The following LACTB variants were observed in gnomAD, a reference collection of about 807,000 sequenced individuals.
LACTB encodes the protein serine beta-lactamase-like protein LACTB, mitochondrial.
Under a neutral mutation model 50.2 loss-of-function variants are expected in LACTB, and 35 were observed. The observed-to-expected ratio is 0.70, with a 90% CI of 0.53 to 0.92. The LOEUF is 0.92. Ranked by LOEUF, LACTB falls within the 40% of genes least tolerant of loss-of-function variation. The pLI is 0.00. For missense variants in LACTB, 664 were observed against 691.8 expected (o/e 0.96, Z 0.45); for synonymous variants, 252 against 268.2 (o/e 0.94, Z 0.59).
At chr15:63,140,826 C>T (rs574906693) in intron 5 of LACTB, among the ~76,000 whole-genome samples, 10 of 152,224 alleles carry the variant, frequency 6.6e-5, no homozygotes, top group African/African-American at 2.4e-4. Context: ...TACAAATAAC[C>T]TTATTCCTAA....
chr15:63,122,265 G>T, intron 1 of LACTB, 37 bp downstream of exon 1: 1 of 1,485,894 alleles, frequency 6.7e-7, no homozygotes, highest in South Asian at 1.3e-5. Context: ...GGGGGCCGGG[G>T]ATCCACCCCT....
chr15:63,137,312 A>C (rs1479855930), intron 5 of LACTB, among the ~76,000 whole-genome samples: 1 of 152,212 alleles, frequency 6.6e-6, no homozygotes, highest in African/African-American at 2.4e-5. Context: ...TGATAGGGGA[A>C]TCCTCAGTCA....
At chr15:63,134,716 A>G (rs1218030823) in intron 5 of LACTB, among the ~76,000 whole-genome samples, 1 of 152,152 alleles carries the variant, frequency 6.6e-6, no homozygotes, top group Non-Finnish European at 1.5e-5. Flanking sequence ...TTACTAATGA[A>G]GAAGAGTCAA....
Position 63,141,701 on chromosome 15 carries a change from C to A in LACTB, c.1540C>A (p.Pro514Thr), listed in dbSNP as rs775607481. Residue 514 changes from proline (P) to threonine (T), a missense_variant, in exon 6 of 6, where the codon CCA (proline) becomes ACA (threonine). By Grantham distance (38) the Pro-to-Thr change is conservative. Coordinates refer to ENST00000261893, the MANE Select transcript of LACTB (RefSeq NM_032857.5). Reference sequence around the variant, plus strand: ...AGAGACTATAAATAACAAGGTTCCCCCAAGAGGAATCATTGTTTCTATCAT... The same window carrying A: ...AGAGACTATAAATAACAAGGTTCCCACAAGAGGAATCATTGTTTCTATCAT... ...DTETINNKVP[P>T]RGIIVSIICN... The A allele has an allele frequency of 3.7e-6, 6 of 1,614,112 alleles. No homozygotes were observed. The highest frequency in any genetic ancestry group is 5.1e-6 in the Non-Finnish European group (6 of 1,180,022).
intron 5 of LACTB, 101 bp downstream of exon 5, chr15:63,129,751 G>T: frequency 1.5e-6 from 2 of 1,330,334 alleles, no homozygotes; most frequent in Middle Eastern, 2.0e-4. Flanking sequence ...AAATCAACCT[G>T]CCACATTTTG....
chr15:63,133,047 G>C (rs973980798), intron 5 of LACTB, among the ~76,000 whole-genome samples: 28 of 152,006 alleles, frequency 1.8e-4, no homozygotes, highest in Admixed American at 5.9e-4. Flanking sequence ...AATTTGAATT[G>C]GGTGTTCAAA....
chr15:63,128,217 AT>A (rs1234344140), intron 4 of LACTB, among the ~76,000 whole-genome samples: 2 of 152,136 alleles, frequency 1.3e-5, no homozygotes, highest in Admixed American at 6.6e-5. Context: ...TTCATTTTTC[AT>A]TTTAAAAGCT....
intron 2 of LACTB, among the ~76,000 whole-genome samples, chr15:63,125,632 G>T (rs920106860): frequency 2.0e-5 from 3 of 151,900 alleles, no homozygotes; most frequent in Non-Finnish European, 2.9e-5. Flanking sequence ...CAAATTTATA[G>T]TCATTGTATT....
chr15:63,141,115 A>G (rs1055492050), intron 5 of LACTB, 165 bp from the exon 6 acceptor site: 11 of 983,416 alleles, frequency 1.1e-5, no homozygotes, highest in Non-Finnish European at 1.3e-5. Context: ...TCTGTGTGTC[A>G]TTAGGACCTG....
Position 63,122,576 on chromosome 15 carries a change from G to A in LACTB, c.358-60G>A, listed in dbSNP as rs1422174358. On this transcript the variant is annotated intron_variant, in intron 1 of 5. Coordinates refer to ENST00000261893, the MANE Select transcript of LACTB (RefSeq NM_032857.5). Reference sequence around the variant, plus strand: ...GGCGGGGCCTTGGAAGGTCCCCGAGGAGAGCGCTGGGCTTTTTCAGCAGGC... The same window carrying A: ...GGCGGGGCCTTGGAAGGTCCCCGAGAAGAGCGCTGGGCTTTTTCAGCAGGC... 3.0e-6 allele frequency: 4 copies of A among 1,353,322 alleles called. No individual in the cohort carries two copies. The Admixed American group carries it at 6.7e-5, about 23-fold the overall frequency. The allele number at this position is 1,353,322 out of a possible 1,614,324, so 83.8% of individuals were successfully genotyped here. A position where few individuals can be genotyped will look rare whatever the true frequency, so the allele number is the denominator to read the frequency against.
In LACTB at chr15:63,122,013, C is replaced by T. The variant is rs943276119; in HGVS notation, c.142C>T (p.Leu48=). 8 of 1,395,356 alleles carry T rather than the reference C, an allele frequency of 5.7e-6. No individual in the cohort carries two copies. The African/African-American group carries it at 1.1e-4, about 18-fold the overall frequency. The allele number at this position is 1,395,356 out of a possible 1,614,324, so 86.4% of individuals were successfully genotyped here. A position where few individuals can be genotyped will look rare whatever the true frequency, so the allele number is the denominator to read the frequency against. The stretch of plus-strand genomic sequence containing the variant: ...CTGGGTCGGGGGCCTCGGGCTGGGG[C>T]TGGGGCTGGCGCTCGGGGTGAAGCT... ...HGWVGGLGLG[L]GLALGVKLAG... Residue 48 remains leucine, a synonymous_variant, in exon 1 of 6, where the codon CTG becomes TTG. Coordinates refer to ENST00000261893, the MANE Select transcript of LACTB (RefSeq NM_032857.5).
rs756244410 is a variant in LACTB, at chr15:63,129,605, C to T, written c.1073C>T (p.Thr358Met). Residue 358 changes from threonine (T) to methionine (M), a missense_variant, in exon 5 of 6, where the codon ACG becomes ATG. By Grantham distance (81) the Thr-to-Met change is moderately conservative. Transcript: ENST00000261893. ...QKIFHDLDML[T>M]TVQEENEPVI... ...ATATTCCATGACTTGGATATGCTGACGACTGTGCAGGAAGAAAACGAGCCA... is the reference window on the plus strand; with the variant it reads ...ATATTCCATGACTTGGATATGCTGATGACTGTGCAGGAAGAAAACGAGCCA... The T allele has an allele frequency of 1.7e-5, 28 of 1,611,782 alleles. No individual in the cohort carries two copies. Among genetic ancestry groups the T allele is most frequent in the East Asian group, 8.9e-5 (4 of 44,774 alleles).
Position 63,121,867 on chromosome 15 carries a change from A to T in LACTB, c.-5A>T. 1.5e-6 allele frequency: 2 copies of T among 1,355,122 alleles called. No homozygotes were observed. The highest frequency in any genetic ancestry group is 1.9e-6 in the Non-Finnish European group (2 of 1,058,456). 83.9% of individuals were successfully genotyped at this position (1,355,122 alleles called of 1,614,324 possible). A position where few individuals can be genotyped will look rare whatever the true frequency, so the allele number is the denominator to read the frequency against. On this transcript the variant is annotated 5_prime_UTR_variant, in exon 1 of 6. Coordinates refer to ENST00000261893, the MANE Select transcript of LACTB (RefSeq NM_032857.5). ...TTTGGTGGCGGCCGGCTGTGCAGAG[A>T]CGCCATGTACCGGCTCATGTCAGCA...
At chr15:63,125,470 A>G (rs1273326512) in intron 2 of LACTB, among the ~76,000 whole-genome samples, 1 of 152,008 alleles carries the variant, frequency 6.6e-6, no homozygotes, top group African/African-American at 2.4e-5. Context: ...GCCCAGCTTA[A>G]AATTTTTTAA....
At chr15:63,128,377 G>A (rs1025036589) in intron 4 of LACTB, among the ~76,000 whole-genome samples, 1 of 152,116 alleles carries the variant, frequency 6.6e-6, no homozygotes. Flanking sequence ...TGGGAGGATC[G>A]CTTGAGCCCA....
chr15:63,127,069 AT>A lies in LACTB; in HGVS notation c.615+24del. On this transcript the variant is annotated intron_variant, in intron 3 of 5. Transcript: ENST00000261893. ...GAAAAGGTACTGAAACTCACAGTTCATTTTACTAATGGCATGTTAAATGGTT... is the reference window on the plus strand; with the variant it reads ...GAAAAGGTACTGAAACTCACAGTTCATTTACTAATGGCATGTTAAATGGTT... The A allele has an allele frequency of 6.6e-7, 1 of 1,505,350 alleles. No individual in the cohort carries two copies. Among genetic ancestry groups the A allele is most frequent in the African/African-American group, 1.4e-5 (1 of 72,182 alleles). 93.2% of individuals were successfully genotyped at this position (1,505,350 alleles called of 1,614,324 possible).
chr15:63,141,424 G>A lies in LACTB; in HGVS notation c.1263G>A (p.Gly421=), dbSNP rs984766789. The A allele has an allele frequency of 2.5e-6, 4 of 1,614,180 alleles. No individual in the cohort carries two copies. Among genetic ancestry groups the A allele is most frequent in the Non-Finnish European group, 2.5e-6 (3 of 1,180,044 alleles). Residue 421 remains glycine, a synonymous_variant, in exon 6 of 6, where the codon GGG becomes GGA. Coordinates refer to ENST00000261893, the MANE Select transcript of LACTB (RefSeq NM_032857.5). ...CAATGCTTTATGGTTACCAAGTTGG[G>A]CTGTTTAAGAACTCAAATGAAAATC... ...GNAMLYGYQV[G]LFKNSNENLL...
chr15:63,134,402 T>C (rs992191005), intron 5 of LACTB, among the ~76,000 whole-genome samples: 3 of 152,180 alleles, frequency 2.0e-5, no homozygotes, highest in Non-Finnish European at 4.4e-5. Context: ...GCTGTTCTGA[T>C]TGGTTCCCCA....
intron 5 of LACTB, among the ~76,000 whole-genome samples, chr15:63,132,995 C>A (rs959678722): frequency 1.3e-5 from 2 of 152,106 alleles, no homozygotes; most frequent in African/African-American, 2.4e-5. Flanking sequence ...TTTTCTTTTA[C>A]AGCTTTTAAA....
Sources: allele counts gnomAD v4.1 joint callset (sites outside exome capture counted in the v4.1 genomes callset), GRCh38; gene constraint gnomAD v4.1.1; transcripts MANE v1.5; gene names NCBI Gene and HGNC (gene_info 2026-07-23, HGNC 2026-07-21).